The following MTAP variants were observed in gnomAD, a reference collection of about 807,000 sequenced individuals.
The protein encoded by MTAP is methylthioadenosine phosphorylase, also known as S-methyl-5'-thioadenosine phosphorylase.
Under a neutral mutation model 33.6 loss-of-function variants are expected in MTAP, and 33 were observed. That is an observed-to-expected ratio of 0.98 (90% CI 0.74 to 1.31). The LOEUF is 1.31. Ranked by LOEUF, MTAP falls within the 40% of genes most tolerant of loss-of-function variation. MTAP has a pLI of 0.00. For missense variants in MTAP, 367 were observed against 360.0 expected, an observed-to-expected ratio of 1.02 and a Z score of -0.16; for synonymous variants, 148 against 125.7, an observed-to-expected ratio of 1.18 and a Z score of -1.19.
rs140748654 is a variant in MTAP, at chr9:21,829,059, C to T, written c.348-8849C>T. 4.6e-4 allele frequency among the ~76,000 whole-genome samples: 70 copies of T among 152,140 alleles called. No individual in the cohort carries two copies. The East Asian group carries it at 0.013, about 29-fold the overall frequency. On this transcript the variant is annotated intron_variant, in intron 4 of 7. Coordinates refer to ENST00000644715, the MANE Select transcript of MTAP (RefSeq NM_002451.4). ...GCAGAAGATGCCTTGTGGTTAATGCCCTCTATGTGTTTTACTGATAGCACA... is the reference window on the plus strand; with the variant it reads ...GCAGAAGATGCCTTGTGGTTAATGCTCTCTATGTGTTTTACTGATAGCACA...
chr9:21,819,602 C>T lies in MTAP; in HGVS notation c.347+1400C>T, dbSNP rs536879302. On this transcript the variant is annotated intron_variant, in intron 4 of 7. Coordinates refer to ENST00000644715, the MANE Select transcript of MTAP (RefSeq NM_002451.4). ...TGTGAATAGTGCCGCAATAAACATACGTGTGCATGTGCCTTTATAGCAGCA... is the reference window on the plus strand; with the variant it reads ...TGTGAATAGTGCCGCAATAAACATATGTGTGCATGTGCCTTTATAGCAGCA... Among the ~76,000 whole-genome samples the T allele has an allele frequency of 6.4e-4, 97 of 152,232 alleles. 1 individual carries two copies. Among genetic ancestry groups the T allele is most frequent in the Middle Eastern group, 3.4e-3 (1 of 294 alleles).
intron 5 of MTAP, among the ~76,000 whole-genome samples, chr9:21,848,065 T>C (rs1587243078): frequency 6.6e-6 from 1 of 152,174 alleles, no homozygotes; most frequent in African/African-American, 2.4e-5. Context: ...ATCCCCTCCC[T>C]GACCTATGCT....
intron 1 of MTAP, chr9:21,812,383 G>T: frequency 6.5e-6 from 1 of 154,420 alleles, no homozygotes. Context: ...AGTTTGGTTT[G>T]ATGGTCAGTC....
At chr9:21,930,825 C>T (rs951383813) in intron 1 of MTAP, 12 of 688,198 alleles carry the variant, frequency 1.7e-5, no homozygotes, top group Non-Finnish European at 2.8e-5. Flanking sequence ...ACTCCTAAAT[C>T]GAGCCTCCAG....
chr9:21,803,889 C>G (rs943406746), intron 1 of MTAP, among the ~76,000 whole-genome samples: 2 of 152,118 alleles, frequency 1.3e-5, no homozygotes, highest in African/African-American at 2.4e-5. Flanking sequence ...TACGCCCTTG[C>G]AGGTTTAAAT....
At chr9:21,921,883 A>T (rs1818793105) in intron 1 of MTAP, among the ~76,000 whole-genome samples, 2 of 152,158 alleles carry the variant, frequency 1.3e-5, no homozygotes, top group African/African-American at 4.8e-5. Flanking sequence ...CAGGAGGCTG[A>T]GGTGGGAGTG....
At chr9:21,885,123 G>A (rs557428462) in intron 1 of MTAP, among the ~76,000 whole-genome samples, 4 of 152,030 alleles carry the variant, frequency 2.6e-5, no homozygotes, top group Non-Finnish European at 5.9e-5. Flanking sequence ...AATTTTATGT[G>A]CTTTTCTGTC....
At position 21,930,184 on chromosome 9, in the gene MTAP, C is replaced by T. The variant is rs140223484; in HGVS notation, c.148-824C>T. 1.6e-3 allele frequency: 554 copies of T among 353,374 alleles called. 1 individual carries two copies. The highest frequency in any genetic ancestry group is 2.4e-3 in the Middle Eastern group (6 of 2,464). 21.9% of individuals were successfully genotyped at this position (353,374 alleles called of 1,614,324 possible). A position where few individuals can be genotyped will look rare whatever the true frequency, so the allele number is the denominator to read the frequency against. ...ATTCTCTTTTTTTGGGAAAATGAAACCAAGGGAGCTAATCAGAGCCAAACC... is the reference window on the plus strand; with the variant it reads ...ATTCTCTTTTTTTGGGAAAATGAAATCAAGGGAGCTAATCAGAGCCAAACC... On this transcript the variant is annotated intron_variant, in intron 1 of 1. Transcript: ENST00000577563.
intron 1 of MTAP, among the ~76,000 whole-genome samples, chr9:21,909,876 C>T (rs1818541872): frequency 6.6e-6 from 1 of 152,120 alleles, no homozygotes; most frequent in South Asian, 2.1e-4. Context: ...GTAACTTGCC[C>T]AAGCCACACA....
At chr9:21,851,841 C>G (rs971470450) in intron 5 of MTAP, among the ~76,000 whole-genome samples, 2 of 152,102 alleles carry the variant, frequency 1.3e-5, no homozygotes, top group East Asian at 3.9e-4. Flanking sequence ...AGCCTAGTCC[C>G]CCAGTCTACA....
At chr9:21,846,505 T>C (rs1392341017) in intron 5 of MTAP, among the ~76,000 whole-genome samples, 2 of 151,698 alleles carry the variant, frequency 1.3e-5, no homozygotes, top group African/African-American at 4.8e-5. Flanking sequence ...AAATTACTAA[T>C]CCAGGAAATG....
rs563988268 is a variant in MTAP at position 21,863,457 on chromosome 9, A to C, written c.*1443A>C. ...TCCGTCTCTACTAAAAATACAAAAA[A>C]TTAGCTGGGCGTGGTGGTGGGCACC... On this transcript the variant is annotated 3_prime_UTR_variant, in exon 8 of 8. Transcript: ENST00000644715. 3 of 569,834 alleles carry C rather than the reference A, an allele frequency of 5.3e-6. No individual in the cohort carries two copies. Among genetic ancestry groups the C allele is most frequent in the Non-Finnish European group, 6.7e-6 (3 of 450,474 alleles). 35.3% of individuals were successfully genotyped at this position (569,834 alleles called of 1,614,324 possible).
chr9:21,880,428 A>G (rs1817987646), intron 1 of MTAP, among the ~76,000 whole-genome samples: 2 of 152,154 alleles, frequency 1.3e-5, no homozygotes, highest in South Asian at 4.1e-4. Context: ...AAGAAATAAA[A>G]GCCATCTAGA....
At chr9:21,840,881 A>C (rs1363791935) in intron 5 of MTAP, among the ~76,000 whole-genome samples, 1 of 152,190 alleles carries the variant, frequency 6.6e-6, no homozygotes, top group African/African-American at 2.4e-5. Flanking sequence ...GGTAGCTCAC[A>C]GCCTGGGGCA....
chr9:21,830,389 A>G (rs763146397), intron 4 of MTAP, among the ~76,000 whole-genome samples: 6 of 152,198 alleles, frequency 3.9e-5, no homozygotes, highest in African/African-American at 9.7e-5. Context: ...TTCAGTGCCT[A>G]TGCCTCCTGC....
At chr9:21,894,809 TA>T (rs951995320) in intron 1 of MTAP, among the ~76,000 whole-genome samples, 23 of 145,002 alleles carry the variant, frequency 1.6e-4, no homozygotes, top group East Asian at 1.2e-3. Flanking sequence ...TGCATCTGAT[TA>T]AAAAAAAAAA....
intron 1 of MTAP, among the ~76,000 whole-genome samples, chr9:21,911,438 C>G (rs1818574641): frequency 6.6e-6 from 1 of 152,050 alleles, no homozygotes; most frequent in Non-Finnish European, 1.5e-5. Context: ...TCTCTCAGAC[C>G]ACAGTGCAAT....
chr9:21,873,604 A>ACCCC (rs1031170011), intron 1 of MTAP, among the ~76,000 whole-genome samples: 1 of 67,026 alleles, frequency 1.5e-5, no homozygotes, highest in African/African-American at 6.8e-5. Context: ...TTGGACTTCC[A>ACCCC]CCCCCGCCCC....
Position 21,922,369 on chromosome 9 carries a change from G to T in MTAP, c.148-8639G>T, listed in dbSNP as rs1282962280. Reference sequence around the variant, plus strand: ...CAACATATAAAACCCCAAGTCAAAGGTCAAACAGGGCACTTGGATTTCTCA... The same window carrying T: ...CAACATATAAAACCCCAAGTCAAAGTTCAAACAGGGCACTTGGATTTCTCA... On this transcript the variant is annotated intron_variant, in intron 1 of 1. Coordinates refer to the MTAP transcript ENST00000577563. The surrounding 1 kb of genome is among the most constrained non-coding windows in gnomAD (Gnocchi z 4.8). Among the ~76,000 whole-genome samples the T allele has an allele frequency of 1.3e-5, 2 of 151,932 alleles. No homozygotes were observed. The highest frequency in any genetic ancestry group is 2.9e-5 in the Non-Finnish European group (2 of 67,998).
Sources: gnomAD v4.1 joint callset for allele counts (sites outside exome capture counted in the v4.1 genomes callset) on GRCh38, gnomAD v4.1.1 for gene constraint, Gnocchi (gnomAD v3.1) non-coding constraint, MANE v1.5 for transcripts, NCBI Gene and HGNC (gene_info 2026-07-23, HGNC 2026-07-21) for gene names.